The following CSGALNACT1 variants were observed in gnomAD, a reference collection of about 807,000 sequenced individuals.
CSGALNACT1 encodes chondroitin sulfate N-acetylgalactosaminyltransferase 1.
Under a neutral mutation model 51.0 loss-of-function variants are expected in CSGALNACT1, and 52 were observed. The ratio of observed to expected loss-of-function variants is 1.02; its 90% confidence interval spans 0.82 to 1.29. The LOEUF is 1.29. CSGALNACT1 is among the 50% of genes most tolerant of loss of function. CSGALNACT1 has a pLI of 0.00. For synonymous variants in CSGALNACT1, 341 were observed against 254.4 expected, an observed-to-expected ratio of 1.34 and a Z score of -3.24; for missense variants, 935 against 679.2, an observed-to-expected ratio of 1.38 and a Z score of -4.19.
At chr8:19,413,970 A>T (rs2056390770) in intron 8 of CSGALNACT1, among the ~76,000 whole-genome samples, 1 of 152,198 alleles carries the variant, frequency 6.6e-6, no homozygotes, top group Non-Finnish European at 1.5e-5. Flanking sequence ...TGTGGAAGAC[A>T]ATGAATCCCA....
chr8:19,698,765 AC>A (rs2061709002), intron 1 of CSGALNACT1, among the ~76,000 whole-genome samples: 3 of 135,348 alleles, frequency 2.2e-5, no homozygotes, highest in Admixed American at 2.1e-4. Context: ...AGAATGGATA[AC>A]CCACAAAAAA....
chr8:19,536,663 T>A (rs2154064474), intron 3 of CSGALNACT1, among the ~76,000 whole-genome samples: 1 of 152,294 alleles, frequency 6.6e-6, no homozygotes, highest in South Asian at 2.1e-4. Flanking sequence ...ATATGAAGAT[T>A]ATAGAATCTA....
intron 4 of CSGALNACT1, among the ~76,000 whole-genome samples, chr8:19,476,034 G>T (rs1451846493): frequency 6.6e-6 from 1 of 152,138 alleles, no homozygotes; most frequent in East Asian, 1.9e-4. Context: ...GATTTTGACA[G>T]CCACCGCCCC....
chr8:19,630,347 C>T (rs946157987), intron 1 of CSGALNACT1, among the ~76,000 whole-genome samples: 1 of 151,772 alleles, frequency 6.6e-6, no homozygotes, highest in Non-Finnish European at 1.5e-5. Flanking sequence ...ATTTTTAGAG[C>T]AATTTTAGAC....
At chr8:19,537,399 G>T (rs146629796) in intron 3 of CSGALNACT1, among the ~76,000 whole-genome samples, 2 of 152,092 alleles carry the variant, frequency 1.3e-5, no homozygotes, top group Non-Finnish European at 2.9e-5. Context: ...TTATGGTAAG[G>T]CTGCCATTTT....
At chr8:19,445,729 A>G (rs1482214103) in intron 5 of CSGALNACT1, among the ~76,000 whole-genome samples, 3 of 152,264 alleles carry the variant, frequency 2.0e-5, no homozygotes, top group Non-Finnish European at 4.4e-5. Context: ...TATGAGTCTC[A>G]TACCATGAAA....
exon 4 of CSGALNACT1, chr8:19,505,630 G>A (rs755710398): frequency 2.2e-5 from 36 of 1,613,988 alleles, no homozygotes; most frequent in African/African-American, 2.7e-5. Flanking sequence ...ACGTAGTTGC[G>A]GTGCTGCTCC....
chr8:19,511,976 G>T (rs1384361650), intron 3 of CSGALNACT1, among the ~76,000 whole-genome samples: 1 of 152,164 alleles, frequency 6.6e-6, no homozygotes, highest in Non-Finnish European at 1.5e-5. Flanking sequence ...TGGGAAATCT[G>T]CCCTCCATGA....
At chr8:19,731,168 C>T (rs937977412) in intron 1 of CSGALNACT1, among the ~76,000 whole-genome samples, 14 of 152,156 alleles carry the variant, frequency 9.2e-5, no homozygotes, top group African/African-American at 3.1e-4. Context: ...AATGCAACTC[C>T]ATTAGGCTCA....
chr8:19,595,160 T>C (rs969412583), intron 2 of CSGALNACT1, among the ~76,000 whole-genome samples: 1 of 152,246 alleles, frequency 6.6e-6, no homozygotes, highest in Non-Finnish European at 1.5e-5. Flanking sequence ...ACTAATAAAA[T>C]TTTAAAACTT....
At chr8:19,425,790 G>T (rs992904060) in intron 6 of CSGALNACT1, among the ~76,000 whole-genome samples, 1 of 152,120 alleles carries the variant, frequency 6.6e-6, no homozygotes, top group Non-Finnish European at 1.5e-5. Context: ...ACCAAGGTGT[G>T]GGCATGGCTG....
At chr8:19,726,161 A>C (rs143144181) in intron 1 of CSGALNACT1, among the ~76,000 whole-genome samples, 160 of 152,332 alleles carry the variant, frequency 1.1e-3, no homozygotes, top group African/African-American at 3.7e-3. Flanking sequence ...GAAATAATAT[A>C]AGCTCCATGT....
rs1263613762 is a variant in CSGALNACT1, at chr8:19,666,883, A to AAGAAAGAGAG, written c.-544+15589_-544+15590insCTCTCTTTCT. On this transcript the variant is annotated intron_variant, in intron 1 of 9. Coordinates refer to the CSGALNACT1 transcript ENST00000332246. The stretch of plus-strand genomic sequence containing the variant: ...AAAGAAAGAAAGAAAGAAAGAAAGA[A>AAGAAAGAGAG]AGAGAGAGAGGAAGTGAGGAAGGGA... 4.1e-4 allele frequency among the ~76,000 whole-genome samples: 40 copies of AAGAAAGAGAG among 97,362 alleles called. 2 individuals are homozygous for AAGAAAGAGAG. Among genetic ancestry groups the AAGAAAGAGAG allele is most frequent in the Non-Finnish European group, 6.2e-4 (29 of 46,914 alleles). 63.9% of individuals were successfully genotyped at this position (97,362 alleles called of 152,430 possible).
intron 1 of CSGALNACT1, among the ~76,000 whole-genome samples, chr8:19,609,528 TATTGATAC>T (rs2051887317): frequency 6.6e-6 from 1 of 151,916 alleles, no homozygotes; most frequent in African/African-American, 2.4e-5. Flanking sequence ...AGGAATGATC[TATTGATAC>T]ACATATCAGC....
chr8:19,661,412 G>T (rs1465072229), intron 1 of CSGALNACT1, among the ~76,000 whole-genome samples: 2 of 152,248 alleles, frequency 1.3e-5, no homozygotes, highest in African/African-American at 2.4e-5. Context: ...CTGACGAAAG[G>T]GATTTATTAA....
At chr8:19,431,908 T>C (rs1336271127) in intron 6 of CSGALNACT1, among the ~76,000 whole-genome samples, 1 of 152,144 alleles carries the variant, frequency 6.6e-6, no homozygotes, top group East Asian at 1.9e-4. Context: ...GCTGTTATTG[T>C]ATTAATATTA....
chr8:19,522,253 A>G (rs1471293061), intron 3 of CSGALNACT1, among the ~76,000 whole-genome samples: 1 of 152,234 alleles, frequency 6.6e-6, no homozygotes, highest in Non-Finnish European at 1.5e-5. Flanking sequence ...CCACCAAGAA[A>G]TAAATGGTTG....
At chr8:19,612,538 G>A (rs980594948) in intron 1 of CSGALNACT1, among the ~76,000 whole-genome samples, 1 of 151,898 alleles carries the variant, frequency 6.6e-6, no homozygotes, top group African/African-American at 2.4e-5. Flanking sequence ...GGAGGGTCCC[G>A]CAACCAGTGA....
chr8:19,462,176 C>A (rs1364136435), intron 4 of CSGALNACT1, among the ~76,000 whole-genome samples: 1 of 152,216 alleles, frequency 6.6e-6, no homozygotes, highest in African/African-American at 2.4e-5. Flanking sequence ...ATATTCGCCA[C>A]AGAGGCCATA....
Sources: allele counts gnomAD v4.1 joint callset (sites outside exome capture counted in the v4.1 genomes callset), GRCh38; gene constraint gnomAD v4.1.1; transcripts MANE v1.5; gene names NCBI Gene and HGNC (gene_info 2026-07-23, HGNC 2026-07-21).